ENTHD1: variants seen among roughly 807,000 people sequenced by gnomAD.
The protein encoded by ENTHD1 is ENTH domain-containing protein 1.
A neutral mutation model predicts 39.1 loss-of-function variants in ENTHD1; 23 were observed. The ratio of observed to expected loss-of-function variants is 0.59; its 90% confidence interval spans 0.42 to 0.83. The LOEUF (loss-of-function observed/expected upper bound fraction) is 0.83. Among genes scored for constraint, ENTHD1 ranks in the 40% least tolerant of loss-of-function variants. ENTHD1 has a pLI of 0.00. For synonymous variants in ENTHD1, 230 were observed against 258.2 expected (o/e 0.89, Z 1.05); for missense variants, 624 against 705.4 (o/e 0.88, Z 1.31).
chr22:39,794,525 G>A (rs574877126), intron 5 of ENTHD1, among the ~76,000 whole-genome samples: 7 of 151,860 alleles, frequency 4.6e-5, no homozygotes, highest in East Asian at 1.9e-4. Context: ...ATCCTTGGCC[G>A]GGCGCAGTGG....
chr22:39,867,594 ATTAC>A lies in ENTHD1; in HGVS notation c.350-5591_350-5588del, dbSNP rs1218486553. Among the ~76,000 whole-genome samples the A allele has an allele frequency of 1.3e-5, 2 of 152,050 alleles. No homozygotes were observed. Among genetic ancestry groups the A allele is most frequent in the Non-Finnish European group, 2.9e-5 (2 of 68,014 alleles). ...TCATTTGTTGCCTGTGGTGTCCTAAATTACTTACTTAGCTTTAGTCTCCCTTCCA... is the reference window on the plus strand; with the variant it reads ...TCATTTGTTGCCTGTGGTGTCCTAAATTACTTAGCTTTAGTCTCCCTTCCA... On this transcript the variant is annotated intron_variant, in intron 2 of 6. Transcript: ENST00000325157. This position sits in a 1 kb window ranked among gnomAD's most constrained non-coding sequence, Gnocchi z 4.5.
intron 2 of ENTHD1, chr22:39,874,470 G>A (rs918129190): frequency 2.0e-5 from 3 of 152,076 alleles, no homozygotes; most frequent in African/African-American, 7.2e-5. Flanking sequence ...CAGCGGTGAG[G>A]AAGGAAAAGG....
intron 5 of ENTHD1, among the ~76,000 whole-genome samples, chr22:39,793,832 A>G (rs2065524888): frequency 6.6e-6 from 1 of 152,114 alleles, no homozygotes. Flanking sequence ...CTGTTTTTAT[A>G]CCAATACCAT....
chr22:39,848,248 T>A (rs1279469341), intron 3 of ENTHD1, among the ~76,000 whole-genome samples: 1 of 152,014 alleles, frequency 6.6e-6, no homozygotes, highest in Non-Finnish European at 1.5e-5. Context: ...TATTTTTTTT[T>A]AATTAATTAA....
rs112350623 is a variant in ENTHD1 at position 39,768,946 on chromosome 22, A to G, written c.833-3337T>C. On this transcript the variant is annotated intron_variant, in intron 5 of 6. Coordinates refer to ENST00000325157, the MANE Select transcript of ENTHD1 (RefSeq NM_152512.4). ...TGAACGATGAATTCCTATTGTCAAT[A>G]AACAAAGTATGGATTATGTATATAT... is the stretch of plus-strand genomic sequence containing the variant. Among the ~76,000 whole-genome samples the G allele has an allele frequency of 2.8e-4, 42 of 152,146 alleles. 1 individual carries two copies. The highest frequency in any genetic ancestry group is 9.4e-4 in the African/African-American group (39 of 41,506).
At chr22:39,883,302 A>G (rs1220801172) in intron 2 of ENTHD1, among the ~76,000 whole-genome samples, 1 of 152,038 alleles carries the variant, frequency 6.6e-6, no homozygotes, top group Non-Finnish European at 1.5e-5. Flanking sequence ...TGGTGCTAAG[A>G]TCAATTGTTA....
chr22:39,818,434 T>C lies in ENTHD1; in HGVS notation c.832+2559A>G, dbSNP rs553779109. On this transcript the variant is annotated intron_variant, in intron 5 of 6. Transcript: ENST00000325157. ...ATTATGCCACGAAGTTTCAGGGCAA[T>C]GTGTTACACAGTCAAAGTAACTGGA... Among the ~76,000 whole-genome samples, 155 of 152,304 alleles carry C rather than the reference T, an allele frequency of 1.0e-3. 3 individuals are homozygous for C. The highest frequency in any genetic ancestry group is 0.01 in the South Asian group (49 of 4,828).
At chr22:39,813,072 T>C (rs9941936) in intron 5 of ENTHD1, among the ~76,000 whole-genome samples, 14,220 of 152,248 alleles carry the variant, frequency 0.093, 724 homozygotes, top group South Asian at 0.13. Flanking sequence ...TGTGAGACAC[T>C]GTGCCCGGCC....
intron 6 of ENTHD1, among the ~76,000 whole-genome samples, chr22:39,763,919 C>T (rs1416502845): frequency 1.3e-5 from 2 of 152,104 alleles, no homozygotes; most frequent in Non-Finnish European, 2.9e-5. Flanking sequence ...TCAGAGCCAT[C>T]ATAACCAGTA....
chr22:39,801,488 A>T (rs1158659479), intron 5 of ENTHD1, among the ~76,000 whole-genome samples: 1 of 152,260 alleles, frequency 6.6e-6, no homozygotes, highest in Non-Finnish European at 1.5e-5. Flanking sequence ...ATACACTCAT[A>T]CAAAGAGATA....
intron 5 of ENTHD1, among the ~76,000 whole-genome samples, chr22:39,788,860 G>T (rs1019797821): frequency 1.3e-5 from 2 of 152,038 alleles, no homozygotes; most frequent in Admixed American, 6.6e-5. Flanking sequence ...ACTCACTGAG[G>T]GCTCAGATGA....
intron 4 of ENTHD1, among the ~76,000 whole-genome samples, chr22:39,833,306 A>C (rs978833979): frequency 2.6e-5 from 4 of 152,288 alleles, no homozygotes; most frequent in South Asian, 4.1e-4. Flanking sequence ...GCAATACTTA[A>C]AAAAAGCAGC....
chr22:39,886,076 AG>A (rs2066376925), intron 2 of ENTHD1, among the ~76,000 whole-genome samples: 1 of 152,014 alleles, frequency 6.6e-6, no homozygotes, highest in Non-Finnish European at 1.5e-5. Flanking sequence ...TTTTAAAAAA[AG>A]GGAAGAAAAA....
In ENTHD1 at chr22:39,868,350, TAA is replaced by T. The variant is rs535956120; in HGVS notation, c.350-6345_350-6344del. 2.1e-3 allele frequency among the ~76,000 whole-genome samples: 269 copies of T among 126,522 alleles called. 1 individual carries two copies. The highest frequency in any genetic ancestry group is 7.0e-3 in the African/African-American group (242 of 34,586). The allele number at this position is 126,522 out of a possible 152,430, so 83.0% of individuals were successfully genotyped here. A position where few individuals can be genotyped will look rare whatever the true frequency, so the allele number is the denominator to read the frequency against. On this transcript the variant is annotated intron_variant, in intron 2 of 6. Transcript: ENST00000325157. ...GGAACTGGAGAAACCTTTATTTTAT[TAA>T]AAAAAAAAAAAAAAAGGAAGGAAAT...
intron 1 of ENTHD1, among the ~76,000 whole-genome samples, chr22:39,892,928 C>G (rs898425881): frequency 6.6e-6 from 1 of 152,204 alleles, no homozygotes; most frequent in Non-Finnish European, 1.5e-5. Context: ...CTAATCTTTT[C>G]CAGCCCTAAG....
intron 3 of ENTHD1, among the ~76,000 whole-genome samples, chr22:39,848,485 C>T (rs2066009026): frequency 6.6e-6 from 1 of 152,160 alleles, no homozygotes; most frequent in African/African-American, 2.4e-5. Context: ...ATCTCCTGAC[C>T]TCATGATCCA....
At chr22:39,871,171 TAAAATAAA>T (rs2066239979) in intron 2 of ENTHD1, among the ~76,000 whole-genome samples, 1 of 121,720 alleles carries the variant, frequency 8.2e-6, no homozygotes, top group African/African-American at 3.1e-5. Context: ...GCCCATCTTC[TAAAATAAA>T]TAAATAAATA....
chr22:39,795,075 C>T (rs894267844), intron 5 of ENTHD1, among the ~76,000 whole-genome samples: 4 of 152,050 alleles, frequency 2.6e-5, no homozygotes, highest in Non-Finnish European at 5.9e-5. Flanking sequence ...TATTGATTTG[C>T]GTATATTGAA....
At chr22:39,842,745 A>G (rs2065954693) in intron 3 of ENTHD1, among the ~76,000 whole-genome samples, 1 of 150,596 alleles carries the variant, frequency 6.6e-6, no homozygotes, top group African/African-American at 2.5e-5. Context: ...TCTACAATGA[A>G]CTCAAACAAA....
Sources: allele counts gnomAD v4.1 joint callset (sites outside exome capture counted in the v4.1 genomes callset), GRCh38; gene constraint gnomAD v4.1.1; non-coding constraint Gnocchi (gnomAD v3.1); transcripts MANE v1.5; gene names NCBI Gene and HGNC (gene_info 2026-07-23, HGNC 2026-07-21).